Variants in ZNF609 observed in about 807,000 individuals in gnomAD.
The protein encoded by ZNF609 is zinc finger protein 609.
ZNF609 carries 11 observed loss-of-function variants against 109.5 expected under a neutral mutation model. The ratio of observed to expected loss-of-function variants is 0.10; its 90% CI spans 0.06 to 0.17. The LOEUF (loss-of-function observed/expected upper bound fraction) is 0.17, where lower values mean the gene tolerates loss of function less well. ZNF609 is among the 10% of genes least tolerant of loss of function. ZNF609 has a pLI of 1.00. For missense variants in ZNF609, 1,559 were observed against 1,772.4 expected, an observed-to-expected ratio of 0.88 and a Z score of 2.16; for synonymous variants, 646 against 662.0, an observed-to-expected ratio of 0.98 and a Z score of 0.37.
chr15:64,469,566 A>G (rs967496429), intron 1 of ZNF609, among the ~76,000 whole-genome samples: 1 of 151,204 alleles, frequency 6.6e-6, no homozygotes, highest in Admixed American at 6.6e-5. Context: ...GTGCAATTTC[A>G]GTTCCCTGGG....
At chr15:64,630,474 A>AT (rs1380362721) in intron 3 of ZNF609, among the ~76,000 whole-genome samples, 4 of 152,104 alleles carry the variant, frequency 2.6e-5, no homozygotes, top group African/African-American at 9.7e-5. Flanking sequence ...GAATTACAGT[A>AT]TATATATTTA....
chr15:64,484,415 C>T (rs594815), intron 1 of ZNF609, among the ~76,000 whole-genome samples: 112,860 of 152,024 alleles, frequency 0.74, 45,438 homozygotes, highest in East Asian at 0.96. Flanking sequence ...CAGTGGCTCA[C>T]GCCTGTAATC....
At chr15:64,604,563 C>T (rs1895563185) in intron 2 of ZNF609, among the ~76,000 whole-genome samples, 1 of 152,152 alleles carries the variant, frequency 6.6e-6, no homozygotes, top group Non-Finnish European at 1.5e-5. Flanking sequence ...TCTTGTTCAG[C>T]ATTTGTATTA....
chr15:64,509,402 G>C (rs1893684761), intron 2 of ZNF609, among the ~76,000 whole-genome samples: 2 of 152,238 alleles, frequency 1.3e-5, no homozygotes, highest in African/African-American at 4.8e-5. Flanking sequence ...ATTATAGTAA[G>C]TAACCAATAA....
rs2083210713 is a variant in ZNF609, at chr15:64,681,701, G to C, written c.*15G>C. 3 of 253,352 alleles carry C rather than the reference G, an allele frequency of 1.2e-5. No individual in the cohort carries two copies. Among genetic ancestry groups the C allele is most frequent in the Non-Finnish European group, 2.3e-5 (3 of 131,076 alleles). 15.7% of individuals were successfully genotyped at this position (253,352 alleles called of 1,614,324 possible). ...CATGTTTCCCTTGCAGACACCAAGTGCCCGGATAAAGTCAGCTTCACGGGC... is the reference window on the plus strand; with the variant it reads ...CATGTTTCCCTTGCAGACACCAAGTCCCCGGATAAAGTCAGCTTCACGGGC... On this transcript the variant is annotated 3_prime_UTR_variant, in exon 10 of 10. Coordinates refer to ENST00000326648, the MANE Select transcript of ZNF609 (RefSeq NM_015042.2).
chr15:64,601,709 T>C (rs1004889216), intron 2 of ZNF609, among the ~76,000 whole-genome samples: 1 of 152,206 alleles, frequency 6.6e-6, no homozygotes, highest in Non-Finnish European at 1.5e-5. Flanking sequence ...AATGGGAGCA[T>C]ACCAGAAGAC....
intron 3 of ZNF609, among the ~76,000 whole-genome samples, chr15:64,650,416 C>CTA (rs1896398663): frequency 6.0e-5 from 4 of 66,150 alleles, no homozygotes; most frequent in African/African-American, 2.1e-4. Context: ...GGCTCCATCT[C>CTA]CAAAAAAAAA....
chr15:64,500,845 T>G (rs555419817), intron 2 of ZNF609: 2 of 170,504 alleles, frequency 1.2e-5, no homozygotes, highest in African/African-American at 4.8e-5. Context: ...CCACAACTAT[T>G]AGGAATCAAA....
intron 2 of ZNF609, among the ~76,000 whole-genome samples, chr15:64,596,211 C>T (rs1230153479): frequency 3.3e-5 from 5 of 151,802 alleles, no homozygotes; most frequent in South Asian, 2.1e-4. Flanking sequence ...TAAAGTGCAG[C>T]GGCGCGATCT....
At chr15:64,562,532 G>A (rs942225163) in intron 2 of ZNF609, among the ~76,000 whole-genome samples, 5 of 152,086 alleles carry the variant, frequency 3.3e-5, no homozygotes, top group African/African-American at 9.7e-5. Flanking sequence ...CACCCACACC[G>A]GGCTCAATTT....
At position 64,676,261 on chromosome 15, in the gene ZNF609, CTG is replaced by C. The variant is rs1567045855; in HGVS notation, c.3402+7_3402+8del. The C allele has an allele frequency of 2.5e-6, 4 of 1,589,716 alleles. No individual in the cohort carries two copies. The East Asian group carries it at 9.0e-5, about 36-fold the overall frequency. ...CCAATACTCTGGTACCGACAGGTAA[CTG>C]TTGCCCTGGGAGGAAGTGGAAATAC... On this transcript the variant is annotated splice_donor_region_variant and intron_variant, in intron 5 of 9. Coordinates refer to ENST00000326648, the MANE Select transcript of ZNF609 (RefSeq NM_015042.2).
intron 2 of ZNF609, among the ~76,000 whole-genome samples, chr15:64,602,762 ACC>A (rs1895522531): frequency 9.1e-6 from 1 of 109,314 alleles, no homozygotes; most frequent in East Asian, 2.9e-4. Context: ...TTGCTCTGTC[ACC>A]CAGGCTGGAG....
chr15:64,576,822 C>CAAAAA (rs57802165), intron 2 of ZNF609, among the ~76,000 whole-genome samples: 5 of 79,934 alleles, frequency 6.3e-5, no homozygotes, highest in African/African-American at 2.0e-4. Flanking sequence ...GACTCCATCT[C>CAAAAA]AAAAAAAAAA....
intron 2 of ZNF609, among the ~76,000 whole-genome samples, chr15:64,569,975 A>G (rs1053510390): frequency 2.0e-4 from 31 of 152,166 alleles, no homozygotes; most frequent in African/African-American, 7.5e-4. Context: ...CAAGAACGGA[A>G]TTGCCTAGAT....
At chr15:64,616,709 CG>C (rs1895803947) in intron 2 of ZNF609, among the ~76,000 whole-genome samples, 1 of 150,044 alleles carries the variant, frequency 6.7e-6, no homozygotes, top group South Asian at 2.1e-4. Context: ...CTAGTAGAGA[CG>C]GGGTTTCACC....
At chr15:64,462,229 C>T (rs1892952329) in intron 1 of ZNF609, among the ~76,000 whole-genome samples, 1 of 152,128 alleles carries the variant, frequency 6.6e-6, no homozygotes, top group Admixed American at 6.5e-5. Context: ...ACACATTTTT[C>T]AGAAGAATAA....
At chr15:64,615,253 T>C (rs1895781628) in intron 2 of ZNF609, among the ~76,000 whole-genome samples, 1 of 152,000 alleles carries the variant, frequency 6.6e-6, no homozygotes, top group African/African-American at 2.4e-5. Flanking sequence ...AGCAGTTCTT[T>C]CATCTCAGCC....
At chr15:64,612,740 C>T (rs1307708658) in intron 2 of ZNF609, among the ~76,000 whole-genome samples, 2 of 151,080 alleles carry the variant, frequency 1.3e-5, no homozygotes, top group Non-Finnish European at 2.9e-5. Flanking sequence ...ACCTGCCGGG[C>T]GTGGTGGCTC....
chr15:64,630,333 A>C (rs1230283442), intron 3 of ZNF609, among the ~76,000 whole-genome samples: 4 of 151,630 alleles, frequency 2.6e-5, no homozygotes, highest in Non-Finnish European at 5.9e-5. Flanking sequence ...CGGCCTCCCA[A>C]AATGCTGGGA....
Sources: allele counts gnomAD v4.1 joint callset (sites outside exome capture counted in the v4.1 genomes callset), GRCh38; gene constraint gnomAD v4.1.1; transcripts MANE v1.5; gene names NCBI Gene and HGNC (gene_info 2026-07-23, HGNC 2026-07-21).